The following SEMA4A variants were observed in gnomAD, a reference collection of about 807,000 sequenced individuals.
The protein encoded by SEMA4A is semaphorin 4A.
In SEMA4A, 52 loss-of-function variants were observed where a neutral mutation model predicts 72.5. The observed-to-expected ratio is 0.72, with a 90% CI of 0.57 to 0.90. The LOEUF (loss-of-function observed/expected upper bound fraction) is 0.90. SEMA4A is among the 40% of genes least tolerant of loss of function. The pLI, the probability that SEMA4A is intolerant of heterozygous loss-of-function variation, is 0.00. For synonymous variants in SEMA4A, 369 were observed against 393.1 expected (o/e 0.94, Z 0.73); for missense variants, 926 against 959.7 (o/e 0.96, Z 0.46).
At chr1:156,165,844 C>G (rs1654099935) in intron 10 of SEMA4A, among the ~76,000 whole-genome samples, 1 of 150,666 alleles carries the variant, frequency 6.6e-6, no homozygotes, top group African/African-American at 2.4e-5. Context: ...CCACTTCAGC[C>G]TGGAAATTAG....
intron 8 of SEMA4A, 22 bp from the exon 9 acceptor site, chr1:156,161,324 C>A (rs1475378761): frequency 1.0e-6 from 1 of 961,880 alleles, no homozygotes; most frequent in Non-Finnish European, 1.5e-6. Context: ...GGGGCGCCCC[C>A]TGACTCCCCC....
At chr1:156,166,652 G>A (rs988964110) in intron 10 of SEMA4A, among the ~76,000 whole-genome samples, 4 of 152,266 alleles carry the variant, frequency 2.6e-5, no homozygotes, top group Middle Eastern at 3.4e-3. Context: ...AAGAAGGCCA[G>A]GTGCAGTGGC....
rs1252832458 is a variant in SEMA4A at position 156,160,508 on chromosome 1, C to T, written c.634C>T (p.Leu212=). 2 of 1,614,174 alleles carry T rather than the reference C, an allele frequency of 1.2e-6. No homozygotes were observed. The highest frequency in any genetic ancestry group is 1.7e-5 in the Admixed American group (1 of 60,010). The stretch of plus-strand genomic sequence containing the variant: ...CAGTGAGCCCATCCTGATGCGCACA[C>T]TGGGATCCCAGCCTGTCCTCAAGAC... The part of the protein sequence containing the change: ...LGSEPILMRT[L]GSQPVLKTDN... Residue 212 remains leucine, a synonymous_variant, in exon 7 of 15, where the codon CTG becomes TTG. Transcript: ENST00000368285.
intron 10 of SEMA4A, among the ~76,000 whole-genome samples, chr1:156,169,482 C>T (rs1302303578): frequency 3.0e-5 from 4 of 133,314 alleles, no homozygotes; most frequent in Non-Finnish European, 4.6e-5. Flanking sequence ...AGCAGTGGTG[C>T]GATCTCGGCT....
intron 8 of SEMA4A, 28 bp from the exon 9 acceptor site, chr1:156,161,318 C>A (rs777952002): frequency 1.9e-5 from 25 of 1,334,490 alleles, no homozygotes; most frequent in Non-Finnish European, 2.0e-5. Flanking sequence ...GCGCCCGGGG[C>A]GCCCCCTGAC....
intron 8 of SEMA4A, 28 bp downstream of exon 8, chr1:156,161,057 T>C: frequency 6.6e-7 from 1 of 1,504,498 alleles, no homozygotes; most frequent in Middle Eastern, 1.7e-4. Context: ...GGGGCGGGGC[T>C]AACTGGAGGA....
intron 9 of SEMA4A, 89 bp downstream of exon 9, chr1:156,161,607 G>A (rs1483226061): frequency 1.5e-5 from 21 of 1,433,354 alleles, no homozygotes; most frequent in Non-Finnish European, 1.7e-5. Context: ...GAATTGACAT[G>A]AGCCAGCACC....
Position 156,161,438 on chromosome 1 carries a change from C to T in SEMA4A, c.903C>T (p.Phe301=), listed in dbSNP as rs1553269843. 3 of 1,613,976 alleles carry T rather than the reference C, an allele frequency of 1.9e-6. No individual in the cohort carries two copies. The highest frequency in any genetic ancestry group is 2.5e-6 in the Non-Finnish European group (3 of 1,179,960). ...GCACCCAGCCGGGGCAGCTGCCCTT[C>T]AACGTCATCCGCCACGCGGTCCTGC... ...LLCTQPGQLP[F]NVIRHAVLLP... Residue 301 remains phenylalanine (F), a synonymous_variant, in exon 9 of 15, where the codon TTC becomes TTT. Coordinates refer to ENST00000368285, the MANE Select transcript of SEMA4A (RefSeq NM_022367.4).
intron 10 of SEMA4A, 119 bp downstream of exon 10, chr1:156,163,213 G>T: frequency 8.6e-7 from 1 of 1,169,174 alleles, no homozygotes; most frequent in East Asian, 2.5e-5. Context: ...CACCAATCTC[G>T]CCTGCTCAGA....
rs1411200293 is a variant in SEMA4A, at chr1:156,161,333, C to A, written c.811-13C>A. ...GCGCCCGGGGCGCCCCCTGACTCCC[C>A]CTGTGCCCCCAGAATGACGTGGGCG... On this transcript the variant is annotated splice_polypyrimidine_tract_variant and intron_variant, in intron 8 of 14. Coordinates refer to ENST00000368285, the MANE Select transcript of SEMA4A (RefSeq NM_022367.4). The A allele has an allele frequency of 6.6e-7, 1 of 1,513,060 alleles. No homozygotes were observed. Among genetic ancestry groups the A allele is most frequent in the East Asian group, 2.5e-5 (1 of 40,378 alleles). 93.7% of individuals were successfully genotyped at this position (1,513,060 alleles called of 1,614,324 possible). A position where few individuals can be genotyped will look rare whatever the true frequency, so the allele number is the denominator to read the frequency against.
intron 3 of SEMA4A, 63 bp from the exon 4 acceptor site, chr1:156,158,007 G>T: frequency 6.4e-7 from 1 of 1,550,398 alleles, no homozygotes; most frequent in African/African-American, 1.4e-5. Context: ...AGGGAGGCAG[G>T]TCACAGCTAG....
chr1:156,158,728 G>C lies in SEMA4A; in HGVS notation c.472G>C (p.Asp158His). ...SPACTFIELQ[D>H]SYLLPISEDK... ...CTCTCTCCCCATTTAGGAACTTCAA[G>C]ATTCCTACCTGTTGCCCATCTCGGA... The change falls in exon 6 of 15, where the codon GAT becomes CAT. Residue 158 changes from aspartate to histidine, a missense_variant. Physicochemically the swap from Asp to His is moderately conservative, Grantham distance 81. Transcript: ENST00000368285. The C allele has an allele frequency of 6.2e-7, 1 of 1,613,376 alleles. No individual in the cohort carries two copies. Among genetic ancestry groups the C allele is most frequent in the Non-Finnish European group, 8.5e-7 (1 of 1,179,482 alleles).
chr1:156,149,042 T>C (rs1488009152), upstream of SEMA4A, among the ~76,000 whole-genome samples: 3 of 152,106 alleles, frequency 2.0e-5, no homozygotes, highest in Admixed American at 2.0e-4. Context: ...CCTCAGGTGA[T>C]CCGCCAGCCT....
In SEMA4A at chr1:156,172,831, A is replaced by G; in HGVS notation, c.1140A>G (p.Ser380=). ...PETNPRPGSC[S]VGPSSDKALT... ...CTGCCTCCCTCCTCCTTTAGTGCTC[A>G]GTGGGCCCCTCCTCTGATAAGGCCC... The change falls in exon 11 of 15, where the codon TCA becomes TCG. Residue 380 remains serine, a synonymous_variant. Transcript: ENST00000368285. 6.2e-7 allele frequency: 1 copy of G among 1,614,186 alleles called. No individual in the cohort carries two copies. The highest frequency in any genetic ancestry group is 8.5e-7 in the Non-Finnish European group (1 of 1,180,018).
chr1:156,175,170 G>A lies in SEMA4A; in HGVS notation c.1519G>A (p.Val507Ile). 6.2e-7 allele frequency: 1 copy of A among 1,614,174 alleles called. No homozygotes were observed. Among genetic ancestry groups the A allele is most frequent in the South Asian group, 1.1e-5 (1 of 91,090 alleles). ...CSVYESCVDC[V>I]LARDPHCAWD... is the part of the protein sequence containing the mutation. ...TGTCTATGAGAGCTGTGTGGACTGT[G>A]TCCTTGCCCGGGACCCCCACTGTGC... The change falls in exon 13 of 15, where the codon GTC (valine) becomes ATC (isoleucine). Residue 507 changes from valine (V) to isoleucine (I), a missense_variant. Physicochemically the swap from Val to Ile is conservative, Grantham distance 29. Coordinates refer to ENST00000368285, the MANE Select transcript of SEMA4A (RefSeq NM_022367.4).
In SEMA4A at chr1:156,173,848, G is replaced by A. The variant is rs562518685; in HGVS notation, c.1315+842G>A. Among the ~76,000 whole-genome samples, 28 of 152,272 alleles carry A rather than the reference G, an allele frequency of 1.8e-4. No individual in the cohort carries two copies. The East Asian group carries it at 3.5e-3, about 19-fold the overall frequency. On this transcript the variant is annotated intron_variant, in intron 11 of 14. Coordinates refer to ENST00000368285, the MANE Select transcript of SEMA4A (RefSeq NM_022367.4). ...TTGTGGGCTGGGCACAGTGGCTCAC[G>A]CCTGTAATCCCAGCACTTTGGGAGG... is the stretch of plus-strand genomic sequence containing the variant.
intron 14 of SEMA4A, 30 bp downstream of exon 14, chr1:156,175,686 T>A (rs1363231345): frequency 1.3e-6 from 2 of 1,510,342 alleles, no homozygotes; most frequent in African/African-American, 2.7e-5. Context: ...CCAGGGGAGG[T>A]GCAAAGGCTC....
chr1:156,174,293 T>C (rs995236760), intron 11 of SEMA4A, among the ~76,000 whole-genome samples: 6 of 152,294 alleles, frequency 3.9e-5, no homozygotes, highest in African/African-American at 1.2e-4. Flanking sequence ...GTATTGGGTA[T>C]ACAGCAGAGA....
chr1:156,164,960 C>T (rs1654029491), intron 10 of SEMA4A, among the ~76,000 whole-genome samples: 1 of 151,886 alleles, frequency 6.6e-6, no homozygotes, highest in African/African-American at 2.4e-5. Flanking sequence ...GCCACCACAC[C>T]CAGCTAATTT....
Sources: gnomAD v4.1 joint callset for allele counts (sites outside exome capture counted in the v4.1 genomes callset) on GRCh38, gnomAD v4.1.1 for gene constraint, MANE v1.5 for transcripts, NCBI Gene and HGNC (gene_info 2026-07-23, HGNC 2026-07-21) for gene names.